FTO: variants seen among roughly 807,000 people sequenced by gnomAD.
FTO encodes the protein FTO alpha-ketoglutarate dependent dioxygenase, also known as alpha-ketoglutarate-dependent dioxygenase FTO.
In FTO, 47 loss-of-function variants were observed where a neutral mutation model predicts 63.9. That is an observed-to-expected ratio of 0.74 (90% CI 0.58 to 0.94). FTO has a LOEUF of 0.94. Ranked by LOEUF, FTO falls within the 40% of genes least tolerant of loss-of-function variation. The pLI is 0.00. For synonymous variants in FTO, 207 were observed against 224.4 expected (o/e 0.92, Z 0.69); for missense variants, 562 against 618.1 (o/e 0.91, Z 0.96).
chr16:53,862,661 G>A (rs886693244), intron 4 of FTO, among the ~76,000 whole-genome samples: 2 of 150,044 alleles, frequency 1.3e-5, no homozygotes, highest in Non-Finnish European at 3.0e-5. Flanking sequence ...TCTGCCTCCC[G>A]AGTAGTTGGG....
At chr16:53,911,105 T>C (rs1000021640) in intron 7 of FTO, among the ~76,000 whole-genome samples, 1 of 152,226 alleles carries the variant, frequency 6.6e-6, no homozygotes, top group African/African-American at 2.4e-5. Context: ...GGGAGTTTGA[T>C]TTATGTCTGC....
At chr16:54,075,401 C>T (rs2085969595) in intron 8 of FTO, among the ~76,000 whole-genome samples, 1 of 152,186 alleles carries the variant, frequency 6.6e-6, no homozygotes, top group Admixed American at 6.5e-5. Context: ...ACGCTACCAG[C>T]ATTTTATTAC....
At chr16:53,905,535 C>G (rs1056676928) in intron 7 of FTO, among the ~76,000 whole-genome samples, 2 of 152,172 alleles carry the variant, frequency 1.3e-5, no homozygotes, top group Non-Finnish European at 2.9e-5. Flanking sequence ...ACCTGAGTTC[C>G]TGTTGCTCCT....
chr16:53,943,365 T>C (rs1425922962), intron 8 of FTO, among the ~76,000 whole-genome samples: 1 of 152,230 alleles, frequency 6.6e-6, no homozygotes, highest in African/African-American at 2.4e-5. Flanking sequence ...ATTTATAAAA[T>C]CAACACATGG....
At chr16:54,103,152 AAAAG>A (rs141113644) in intron 8 of FTO, among the ~76,000 whole-genome samples, 2,354 of 152,194 alleles carry the variant, frequency 0.015, 55 homozygotes, top group African/African-American at 0.053. Flanking sequence ...CTGTGTCGAA[AAAAG>A]AAAGAAAGAA....
At chr16:54,013,156 G>A (rs2084366177) in intron 8 of FTO, among the ~76,000 whole-genome samples, 1 of 152,316 alleles carries the variant, frequency 6.6e-6, no homozygotes, top group East Asian at 1.9e-4. Context: ...AGCATTAACA[G>A]GAGTTTGGGA....
At chr16:53,934,701 T>C (rs1231051832) in intron 8 of FTO, among the ~76,000 whole-genome samples, 1 of 152,154 alleles carries the variant, frequency 6.6e-6, no homozygotes, top group Non-Finnish European at 1.5e-5. Context: ...TTATAGGCAG[T>C]TGTAACACAA....
At chr16:54,096,166 C>G (rs1008866275) in intron 8 of FTO, among the ~76,000 whole-genome samples, 10 of 152,196 alleles carry the variant, frequency 6.6e-5, no homozygotes, top group African/African-American at 2.2e-4. Context: ...CATATCCTGG[C>G]TTTATCAGTG....
At chr16:53,746,864 C>T (rs189790554) in intron 1 of FTO, among the ~76,000 whole-genome samples, 50 of 152,294 alleles carry the variant, frequency 3.3e-4, no homozygotes, top group African/African-American at 1.1e-3. Context: ...AATCTTCTAA[C>T]ACTCCTAGCC....
At chr16:54,015,072 C>T (rs1345220304) in intron 8 of FTO, among the ~76,000 whole-genome samples, 8 of 151,614 alleles carry the variant, frequency 5.3e-5, no homozygotes, top group Non-Finnish European at 1.2e-4. Context: ...TAGGTCTTGC[C>T]TAGGCTGTTC....
intron 8 of FTO, among the ~76,000 whole-genome samples, chr16:54,014,479 G>A (rs1190166968): frequency 6.6e-6 from 1 of 151,928 alleles, no homozygotes; most frequent in Non-Finnish European, 1.5e-5. Context: ...AGCTTCCTGA[G>A]GCCCTCAGCA....
chr16:54,007,952 T>C (rs1169841546), intron 8 of FTO, among the ~76,000 whole-genome samples: 1 of 152,222 alleles, frequency 6.6e-6, no homozygotes, highest in Non-Finnish European at 1.5e-5. Flanking sequence ...GATTACTTTA[T>C]TGTCACACTG....
At chr16:54,092,859 C>T (rs1231515873) in intron 8 of FTO, among the ~76,000 whole-genome samples, 1 of 152,176 alleles carries the variant, frequency 6.6e-6, no homozygotes, top group East Asian at 1.9e-4. Flanking sequence ...AGGAAGTTTA[C>T]CTCTGCTTCT....
intron 8 of FTO, among the ~76,000 whole-genome samples, chr16:53,950,876 G>A (rs1346284236): frequency 6.6e-6 from 1 of 152,142 alleles, no homozygotes; most frequent in Non-Finnish European, 1.5e-5. Flanking sequence ...GTTGTTGAGG[G>A]CTTATTAAGT....
chr16:53,865,779 T>G (rs2080295609), intron 4 of FTO, among the ~76,000 whole-genome samples: 1 of 152,206 alleles, frequency 6.6e-6, no homozygotes, highest in Non-Finnish European at 1.5e-5. Flanking sequence ...CCTATGAAAC[T>G]GCCAGTCAGA....
chr16:54,021,766 G>A (rs1227981853), intron 8 of FTO, among the ~76,000 whole-genome samples: 1 of 152,114 alleles, frequency 6.6e-6, no homozygotes, highest in Non-Finnish European at 1.5e-5. Context: ...AAGATTACAG[G>A]TGTGAGCCAC....
intron 1 of FTO, among the ~76,000 whole-genome samples, chr16:53,750,648 C>G (rs1344685414): frequency 6.6e-6 from 1 of 152,164 alleles, no homozygotes; most frequent in African/African-American, 2.4e-5. Context: ...ACTAGTTAGT[C>G]CTTTACAGAA....
chr16:53,811,104 C>T (rs905386989), intron 2 of FTO, among the ~76,000 whole-genome samples: 11 of 152,174 alleles, frequency 7.2e-5, no homozygotes, highest in African/African-American at 2.2e-4. Context: ...CTAGTTCATG[C>T]ACCTACTCTT....
At chr16:53,781,176 T>A (rs2077578885) in intron 1 of FTO, among the ~76,000 whole-genome samples, 1 of 152,210 alleles carries the variant, frequency 6.6e-6, no homozygotes, top group Non-Finnish European at 1.5e-5. Flanking sequence ...AATTGAGTAA[T>A]CAGGGTTCAG....
Sources: allele counts gnomAD v4.1 joint callset (sites outside exome capture counted in the v4.1 genomes callset), GRCh38; gene constraint gnomAD v4.1.1; transcripts MANE v1.5; gene names NCBI Gene and HGNC (gene_info 2026-07-23, HGNC 2026-07-21).